Variants in SMCO4 observed in about 807,000 individuals in gnomAD.
SMCO4 encodes the protein single-pass membrane protein with coiled-coil domains 4.
In SMCO4, 4 loss-of-function variants were observed where a neutral mutation model predicts 3.6. That is an observed-to-expected ratio of 1.11 (90% CI 0.54 to 2.53). The LOEUF (loss-of-function observed/expected upper bound fraction) is 2.53, where lower values mean the gene tolerates loss of function less well. Among genes scored for constraint, SMCO4 ranks in the 30% most tolerant of loss-of-function variants. SMCO4 has a pLI of 0.02. For missense variants in SMCO4, 70 were observed against 80.8 expected (o/e 0.87, Z 0.51); for synonymous variants, 36 against 35.3 (o/e 1.02, Z -0.07).
intron 1 of SMCO4, among the ~76,000 whole-genome samples, chr11:93,510,962 G>A (rs1161114118): frequency 6.6e-6 from 1 of 152,162 alleles, no homozygotes; most frequent in African/African-American, 2.4e-5. Context: ...AGCCAGGTAT[G>A]GTGGCAGGCA....
At chr11:93,498,494 G>A (rs1216351059) in intron 2 of SMCO4, among the ~76,000 whole-genome samples, 2 of 152,192 alleles carry the variant, frequency 1.3e-5, no homozygotes, top group South Asian at 2.1e-4. Flanking sequence ...CGCCACAAGC[G>A]GAGAAGGGGG....
intron 1 of SMCO4, among the ~76,000 whole-genome samples, chr11:93,508,703 A>G (rs1026627362): frequency 6.6e-6 from 1 of 152,252 alleles, no homozygotes; most frequent in South Asian, 2.1e-4. Flanking sequence ...CTACAGCAGT[A>G]AAGAGGGAAA....
intron 2 of SMCO4, among the ~76,000 whole-genome samples, chr11:93,492,630 A>G (rs1948731653): frequency 6.6e-6 from 1 of 152,202 alleles, no homozygotes; most frequent in African/African-American, 2.4e-5. Flanking sequence ...AGGCTGGAGC[A>G]AGCCCCAAGG....
At chr11:93,549,509 C>T in the SMCO4 span, among the ~76,000 whole-genome samples, 1 of 152,150 alleles carries the variant, frequency 6.6e-6, no homozygotes, top group African/African-American at 2.4e-5. Flanking sequence ...AGTGCAGTGG[C>T]ACAATCACAT....
Position 93,478,713 on chromosome 11 carries a change from G to GCACACACACA in SMCO4, c.*287_*296dup, listed in dbSNP as rs58177836. On this transcript the variant is annotated 3_prime_UTR_variant, in exon 3 of 3. Coordinates refer to ENST00000298966, the MANE Select transcript of SMCO4 (RefSeq NM_020179.3). ...ATCGATTTTTAGGAGAGAAAAAGAA[G>GCACACACACA]CACACACACACACACACACACACAC... is the stretch of plus-strand genomic sequence containing the variant. 189 of 226,100 alleles carry GCACACACACA rather than the reference G, an allele frequency of 8.4e-4. No individual in the cohort carries two copies. Among genetic ancestry groups the GCACACACACA allele is most frequent in the African/African-American group, 3.4e-3 (140 of 41,774 alleles). 14.0% of individuals were successfully genotyped at this position (226,100 alleles called of 1,614,324 possible).
intron 2 of SMCO4, among the ~76,000 whole-genome samples, chr11:93,491,665 T>C (rs957702050): frequency 5.3e-5 from 8 of 152,210 alleles, no homozygotes; most frequent in Non-Finnish European, 8.8e-5. Flanking sequence ...CTTTAACAAA[T>C]ATCAGTATTG....
intron 2 of SMCO4, among the ~76,000 whole-genome samples, chr11:93,493,034 G>A (rs532635734): frequency 6.6e-6 from 1 of 152,208 alleles, no homozygotes; most frequent in African/African-American, 2.4e-5. Context: ...AACTTGAGCT[G>A]CTGAAGTTGC....
intron 2 of SMCO4, among the ~76,000 whole-genome samples, chr11:93,486,813 C>G (rs536547983): frequency 1.1e-3 from 173 of 152,226 alleles, no homozygotes; most frequent in African/African-American, 4.0e-3. Flanking sequence ...GTAACCAGGC[C>G]CAGACATCCA....
chr11:93,485,880 G>A (rs1201490704), intron 2 of SMCO4, among the ~76,000 whole-genome samples: 1 of 152,164 alleles, frequency 6.6e-6, no homozygotes, highest in Non-Finnish European at 1.5e-5. Context: ...TTTAAATGAT[G>A]AAACTGGGAT....
At position 93,540,636 on chromosome 11, in the gene SMCO4, G is replaced by A. The variant is rs570708130; in HGVS notation, c.-154+2640C>T. Among the ~76,000 whole-genome samples, 43 of 152,244 alleles carry A rather than the reference G, an allele frequency of 2.8e-4. No homozygotes were observed. The South Asian group carries it at 5.0e-3, about 18-fold the overall frequency. Reference sequence around the variant, plus strand: ...GAAAGATCATCAGTAACTTATGCACGACAGCTGTACCAGAGTCGTGCCATC... The same window carrying A: ...GAAAGATCATCAGTAACTTATGCACAACAGCTGTACCAGAGTCGTGCCATC... On this transcript the variant is annotated intron_variant, in intron 1 of 2. Transcript: ENST00000298966.
At chr11:93,527,836 G>A (rs1591325226) in intron 1 of SMCO4, among the ~76,000 whole-genome samples, 1 of 152,036 alleles carries the variant, frequency 6.6e-6, no homozygotes, top group African/African-American at 2.4e-5. Flanking sequence ...TTAAGAAACA[G>A]GATGGGTTTT....
chr11:93,545,109 TC>T (rs1949305362), upstream of SMCO4, among the ~76,000 whole-genome samples: 1 of 152,188 alleles, frequency 6.6e-6, no homozygotes, highest in South Asian at 2.1e-4. Context: ...TTGCTTTAAT[TC>T]ATTATCATTG....
chr11:93,484,870 C>T (rs975542179), intron 2 of SMCO4, among the ~76,000 whole-genome samples: 3 of 152,114 alleles, frequency 2.0e-5, no homozygotes, highest in Admixed American at 6.5e-5. Context: ...CTCATCACCC[C>T]AGACCTGCTA....
At chr11:93,511,512 G>C (rs1219845990) in intron 1 of SMCO4, among the ~76,000 whole-genome samples, 2 of 152,134 alleles carry the variant, frequency 1.3e-5, no homozygotes, top group East Asian at 3.8e-4. Context: ...TTTTCTCCAG[G>C]TACTCTGGTT....
intron 2 of SMCO4, among the ~76,000 whole-genome samples, chr11:93,484,773 T>C (rs1948629412): frequency 6.6e-6 from 1 of 152,046 alleles, no homozygotes; most frequent in African/African-American, 2.4e-5. Flanking sequence ...AATTAGCTGT[T>C]GGGCAGGTTT....
chr11:93,515,664 AAGCCAGCTTTCTCCTCC>A (rs1383054090), intron 1 of SMCO4, among the ~76,000 whole-genome samples: 2 of 152,176 alleles, frequency 1.3e-5, no homozygotes, highest in Non-Finnish European at 2.9e-5. Context: ...CAGCTGCAGC[AAGCCAGCTTTCTCCTCC>A]AGACAGGAAA....
At chr11:93,542,227 C>T (rs1012870838) in intron 1 of SMCO4, among the ~76,000 whole-genome samples, 20 of 152,292 alleles carry the variant, frequency 1.3e-4, no homozygotes, top group African/African-American at 4.8e-4. Context: ...CACCAACCTA[C>T]GCAGACACTA....
intron 2 of SMCO4, among the ~76,000 whole-genome samples, chr11:93,485,430 A>G (rs766090801): frequency 5.3e-5 from 8 of 152,140 alleles, no homozygotes; most frequent in Non-Finnish European, 8.8e-5. Context: ...TTTCCCTCAC[A>G]CTGTCACCTG....
chr11:93,527,540 T>G (rs1949120268), intron 1 of SMCO4, among the ~76,000 whole-genome samples: 1 of 152,218 alleles, frequency 6.6e-6, no homozygotes, highest in Non-Finnish European at 1.5e-5. Context: ...CACTGCAACT[T>G]CAGCTTCTTG....
Sources: allele counts gnomAD v4.1 joint callset (sites outside exome capture counted in the v4.1 genomes callset), GRCh38; gene constraint gnomAD v4.1.1; transcripts MANE v1.5; gene names NCBI Gene and HGNC (gene_info 2026-07-23, HGNC 2026-07-21).